The following FAM47E variants were observed in gnomAD, a reference collection of about 807,000 sequenced individuals.
FAM47E encodes family with sequence similarity 47 member E.
FAM47E carries 32 observed loss-of-function variants against 41.6 expected under a neutral mutation model. That is an observed-to-expected ratio of 0.77 (90% CI 0.58 to 1.03). The LOEUF is 1.03. Ranked by LOEUF, FAM47E falls within the 50% of genes least tolerant of loss-of-function variation. The pLI is 0.00. For missense variants in FAM47E, 424 were observed against 485.4 expected (o/e 0.87, Z 1.19); for synonymous variants, 184 against 188.7 (o/e 0.98, Z 0.20).
rs757978918 is a variant in FAM47E at position 76,268,859 on chromosome 4, A to C, written c.669+91A>C. The C allele has an allele frequency of 9.7e-5, 144 of 1,488,964 alleles. No homozygotes were observed. In the African/African-American group the frequency reaches 1.9e-3, roughly 19 times the overall value. 92.2% of individuals were successfully genotyped at this position (1,488,964 alleles called of 1,614,324 possible). ...AAACCTACTTTTAAATGTCAAGCTCAAAGTTGCTTTTATTAAAAAACAGTA... is the reference window on the plus strand; with the variant it reads ...AAACCTACTTTTAAATGTCAAGCTCCAAGTTGCTTTTATTAAAAAACAGTA... On this transcript the variant is annotated intron_variant, in intron 4 of 7. Coordinates refer to ENST00000424749, the MANE Select transcript of FAM47E (RefSeq NM_001136570.3).
chr4:76,277,968 T>A lies in FAM47E; in HGVS notation c.871-101T>A, dbSNP rs1224734347. 3.8e-6 allele frequency: 5 copies of A among 1,324,014 alleles called. No homozygotes were observed. The East Asian group carries it at 1.4e-4, about 38-fold the overall frequency. 82.0% of individuals were successfully genotyped at this position (1,324,014 alleles called of 1,614,324 possible). ...TACTTTGGCAAGGACCAACCTAAATTCCAAAGTAATGATCCTGCTCTCCTA... is the reference window on the plus strand; with the variant it reads ...TACTTTGGCAAGGACCAACCTAAATACCAAAGTAATGATCCTGCTCTCCTA... On this transcript the variant is annotated intron_variant, in intron 5 of 7. Transcript: ENST00000424749.
At chr4:76,274,806 G>A (rs939277551) in intron 5 of FAM47E, among the ~76,000 whole-genome samples, 1 of 152,072 alleles carries the variant, frequency 6.6e-6, no homozygotes, top group African/African-American at 2.4e-5. Flanking sequence ...CATGCACAAA[G>A]GGTACCCTCT....
chr4:76,275,568 C>CGGG (rs1735061048), intron 5 of FAM47E, among the ~76,000 whole-genome samples: 1 of 152,164 alleles, frequency 6.6e-6, no homozygotes, highest in African/African-American at 2.4e-5. Context: ...ATGGAGATTA[C>CGGG]AGCCTAGTGG....
At chr4:76,238,728 G>A (rs1441919) in intron 2 of FAM47E, among the ~76,000 whole-genome samples, 111,040 of 152,034 alleles carry the variant, frequency 0.73, 41,615 homozygotes, top group East Asian at 0.82. Context: ...AAACTTTATT[G>A]TTTATTTACC....
intron 2 of FAM47E, among the ~76,000 whole-genome samples, chr4:76,230,499 C>A (rs546052024): frequency 3.3e-5 from 5 of 152,200 alleles, no homozygotes; most frequent in South Asian, 2.1e-4. Context: ...TCTGCCCACA[C>A]GATGGGCCAT....
intron 7 of FAM47E, 41 bp from the exon 8 acceptor site, chr4:76,283,340 T>C: frequency 7.9e-7 from 1 of 1,269,244 alleles, no homozygotes; most frequent in Non-Finnish European, 1.1e-6. Flanking sequence ...TGTGCAAGTT[T>C]TGTTTGCCAA....
chr4:76,241,461 T>G (rs973714341), intron 2 of FAM47E, among the ~76,000 whole-genome samples: 2 of 146,006 alleles, frequency 1.4e-5, no homozygotes, highest in Non-Finnish European at 1.5e-5. Flanking sequence ...TGGAGGACAG[T>G]TTTTTTTTTT....
intron 1 of FAM47E, among the ~76,000 whole-genome samples, chr4:76,254,256 T>C (rs915035618): frequency 6.6e-6 from 1 of 152,182 alleles, no homozygotes; most frequent in Non-Finnish European, 1.5e-5. Flanking sequence ...TTTTGAGTTG[T>C]ATGGCTGTAC....
intron 3 of FAM47E, among the ~76,000 whole-genome samples, chr4:76,265,351 G>T (rs924487263): frequency 6.6e-6 from 1 of 152,192 alleles, no homozygotes; most frequent in Non-Finnish European, 1.5e-5. Flanking sequence ...CAATTTCTGA[G>T]TGTCAGTTAG....
Position 76,214,568 on chromosome 4 carries a change from T to G in FAM47E, c.-30+144T>G, listed in dbSNP as rs536634073. ...GTCAGACTTTGAAGGGCTCTTGGTA[T>G]CCTGTTAAAGATGTGGAAGTTGGGA... is the stretch of plus-strand genomic sequence containing the variant. On this transcript the variant is annotated intron_variant, in intron 1 of 7. Transcript: ENST00000510197. The G allele has an allele frequency of 8.9e-6, 3 of 336,352 alleles. No homozygotes were observed. In the Admixed American group the frequency reaches 1.2e-4, roughly 14 times the overall value. 20.8% of individuals were successfully genotyped at this position (336,352 alleles called of 1,614,324 possible). A position where few individuals can be genotyped will look rare whatever the true frequency, so the allele number is the denominator to read the frequency against.
At position 76,263,800 on chromosome 4, in the gene FAM47E, A is replaced by C; in HGVS notation, c.517A>C (p.Thr173Pro). 1.3e-6 allele frequency: 2 copies of C among 1,551,542 alleles called. No homozygotes were observed. The highest frequency in any genetic ancestry group is 1.2e-5 in the South Asian group (1 of 84,052). Residue 173 changes from threonine (T) to proline (P), a missense_variant, in exon 3 of 8, where the codon ACG becomes CCG. Physicochemically the swap from Thr to Pro is conservative, Grantham distance 38. Transcript: ENST00000424749. ...CACCAGGAAAGGAATGAAGGAACCC[A>C]CGAAGCTTTTAAAAAAACATTCTAC... ...QDTRKGMKEP[T>P]KLLKKHSTQV...
At chr4:76,215,981 C>T (rs999340554) in intron 1 of FAM47E, among the ~76,000 whole-genome samples, 1 of 152,148 alleles carries the variant, frequency 6.6e-6, no homozygotes, top group African/African-American at 2.4e-5. Flanking sequence ...AGAACTGAGG[C>T]TGGGACATTT....
At chr4:76,260,270 A>G (rs1163580632) in intron 2 of FAM47E, among the ~76,000 whole-genome samples, 1 of 152,198 alleles carries the variant, frequency 6.6e-6, no homozygotes, top group African/African-American at 2.4e-5. Flanking sequence ...ATCCTAAGCA[A>G]AAAGAACAAA....
At chr4:76,268,813 T>G in intron 4 of FAM47E, 45 bp downstream of exon 4, 1 of 1,547,972 alleles carries the variant, frequency 6.5e-7, no homozygotes, top group Non-Finnish European at 8.7e-7. Context: ...TTACTACTTT[T>G]GTAAGTTAGT....
chr4:76,262,320 C>T (rs979068087), intron 2 of FAM47E, among the ~76,000 whole-genome samples: 9 of 152,170 alleles, frequency 5.9e-5, no homozygotes, highest in African/African-American at 2.2e-4. Context: ...ATCATAAATG[C>T]CTGCCAGTTC....
At chr4:76,236,835 G>A (rs1435991928) in intron 2 of FAM47E, among the ~76,000 whole-genome samples, 9 of 151,966 alleles carry the variant, frequency 5.9e-5, no homozygotes, top group Non-Finnish European at 1.2e-4. Flanking sequence ...CTTATTTGCA[G>A]AGGAAGCCTT....
chr4:76,228,102 T>C (rs1249913723), intron 2 of FAM47E, among the ~76,000 whole-genome samples: 1 of 148,632 alleles, frequency 6.7e-6, no homozygotes, highest in Non-Finnish European at 1.5e-5. Context: ...TTTTTTTTCA[T>C]TGTGTTGTTG....
chr4:76,272,318 T>C (rs1734926070), intron 5 of FAM47E, among the ~76,000 whole-genome samples: 1 of 152,200 alleles, frequency 6.6e-6, no homozygotes, highest in African/African-American at 2.4e-5. Flanking sequence ...AAAGTACTAT[T>C]TACTTTTCTA....
intron 3 of FAM47E, among the ~76,000 whole-genome samples, chr4:76,264,535 A>G (rs942487828): frequency 9.9e-5 from 15 of 152,106 alleles, no homozygotes; most frequent in Non-Finnish European, 1.3e-4. Context: ...TATTTAATTA[A>G]ATAACATAAA....
Sources: allele counts gnomAD v4.1 joint callset (sites outside exome capture counted in the v4.1 genomes callset), GRCh38; gene constraint gnomAD v4.1.1; transcripts MANE v1.5; gene names NCBI Gene and HGNC (gene_info 2026-07-23, HGNC 2026-07-21).